MAGI2: variants seen among roughly 807,000 people sequenced by gnomAD.
The protein encoded by MAGI2 is membrane associated guanylate kinase, WW and PDZ domain containing 2.
In MAGI2, 35 loss-of-function variants were observed where a neutral mutation model predicts 133.3. The ratio of observed to expected loss-of-function variants is 0.26; its 90% confidence interval spans 0.20 to 0.35. The LOEUF is 0.35. Ranked by LOEUF, MAGI2 falls within the 10% of genes least tolerant of loss-of-function variation. The probability of loss-of-function intolerance (pLI) is 1.00; values close to 1 mark genes in which losing one functional copy is unlikely to be tolerated. For missense variants in MAGI2, 1,636 were observed against 1,863.4 expected (o/e 0.88, Z 2.25); for synonymous variants, 729 against 710.6 (o/e 1.03, Z -0.41).
intron 6 of MAGI2, among the ~76,000 whole-genome samples, chr7:78,475,237 T>C (rs934185254): frequency 6.6e-6 from 1 of 151,870 alleles, no homozygotes; most frequent in African/African-American, 2.4e-5. Flanking sequence ...CTGGCTTTGC[T>C]CTCAAGAAAA....
intron 3 of MAGI2, among the ~76,000 whole-genome samples, chr7:78,586,593 T>C (rs746074960): frequency 6.6e-5 from 10 of 152,220 alleles, no homozygotes; most frequent in Middle Eastern, 6.8e-3. Context: ...AACAAAGAAT[T>C]TGCCATATTG....
At chr7:78,373,274 A>G (rs1256320099) in intron 6 of MAGI2, among the ~76,000 whole-genome samples, 2 of 152,232 alleles carry the variant, frequency 1.3e-5, no homozygotes, top group Non-Finnish European at 2.9e-5. Context: ...ATATGGAGAC[A>G]TGATGACTAA....
intron 9 of MAGI2, among the ~76,000 whole-genome samples, chr7:78,281,257 G>A (rs798333): frequency 0.72 from 108,988 of 151,966 alleles, 39,900 homozygotes; most frequent in African/African-American, 0.86. Context: ...ACATACTGAT[G>A]TGGCTTGGCT....
Position 78,805,831 on chromosome 7 carries a change from CATG to C in MAGI2, c.419-178595_419-178593del, listed in dbSNP as rs1788530416. On this transcript the variant is annotated intron_variant, in intron 2 of 21. Transcript: ENST00000354212. ...GGAATGGAGGTCTCCAGCCAACAGC[CATG>C]ATGATGAGTGAGCCACCTTGGAAGC... 2.6e-5 allele frequency among the ~76,000 whole-genome samples: 4 copies of C among 152,170 alleles called. No individual in the cohort carries two copies. The South Asian group carries it at 8.3e-4, about 32-fold the overall frequency.
rs190666604 is a variant in MAGI2, at chr7:78,631,614, C to T, written c.419-4375G>A. 3.9e-5 allele frequency among the ~76,000 whole-genome samples: 6 copies of T among 152,312 alleles called. No homozygotes were observed. The East Asian group carries it at 9.6e-4, about 24-fold the overall frequency. On this transcript the variant is annotated intron_variant, in intron 2 of 21. Transcript: ENST00000354212. ...CTATTATTTACAATAAAGCACAACTCTCATGGTATGCCAGCTTGTGCAGTT... is the reference window on the plus strand; with the variant it reads ...CTATTATTTACAATAAAGCACAACTTTCATGGTATGCCAGCTTGTGCAGTT...
intron 1 of MAGI2, among the ~76,000 whole-genome samples, chr7:79,449,599 C>G (rs12535271): frequency 0.07 from 10,658 of 151,858 alleles, 487 homozygotes; most frequent in Non-Finnish European, 0.094. Flanking sequence ...AAAAAACTTT[C>G]TTCAACTGGG....
At chr7:79,371,505 A>G (rs923590415) in intron 1 of MAGI2, among the ~76,000 whole-genome samples, 5 of 152,126 alleles carry the variant, frequency 3.3e-5, no homozygotes, top group African/African-American at 1.2e-4. Flanking sequence ...CTATGTTTAG[A>G]TATGTTTATA....
At chr7:78,621,168 C>T (rs1807695376) in intron 3 of MAGI2, 2 of 151,848 alleles carry the variant, frequency 1.3e-5, no homozygotes, top group Non-Finnish European at 2.9e-5. Context: ...TTTAGAGTGC[C>T]ATACTTACTA....
intron 2 of MAGI2, among the ~76,000 whole-genome samples, chr7:78,714,882 C>G (rs942497518): frequency 2.0e-5 from 3 of 152,110 alleles, no homozygotes; most frequent in Non-Finnish European, 4.4e-5. Context: ...ATGGCAAGAG[C>G]TTTGATTAAA....
At chr7:78,391,838 G>A (rs1020796774) in intron 6 of MAGI2, among the ~76,000 whole-genome samples, 1 of 152,150 alleles carries the variant, frequency 6.6e-6, no homozygotes, top group African/African-American at 2.4e-5. Context: ...TTTGTGTTGA[G>A]TCATTCTTAC....
At chr7:78,275,452 T>C (rs1794969993) in intron 9 of MAGI2, among the ~76,000 whole-genome samples, 1 of 152,152 alleles carries the variant, frequency 6.6e-6, no homozygotes, top group Non-Finnish European at 1.5e-5. Context: ...TATTCACAAG[T>C]TGTGGCCCAT....
At chr7:78,872,068 T>G (rs1343325659) in intron 2 of MAGI2, among the ~76,000 whole-genome samples, 1 of 151,402 alleles carries the variant, frequency 6.6e-6, no homozygotes, top group Non-Finnish European at 1.5e-5. Flanking sequence ...TTTCTCAAAG[T>G]ATACTTATGG....
chr7:78,120,814 A>T, intron 20 of MAGI2, among the ~76,000 whole-genome samples: 1 of 151,018 alleles, frequency 6.6e-6, no homozygotes. Context: ...ATCCCGGCTA[A>T]AACGGTGAAA....
At chr7:78,854,718 G>A (rs1793474307) in intron 2 of MAGI2, among the ~76,000 whole-genome samples, 1 of 151,008 alleles carries the variant, frequency 6.6e-6, no homozygotes, top group Non-Finnish European at 1.5e-5. Context: ...CCCAAGTAAT[G>A]CTTGGCATAG....
chr7:78,069,107 T>G (rs1814169994), intron 21 of MAGI2, among the ~76,000 whole-genome samples: 1 of 152,172 alleles, frequency 6.6e-6, no homozygotes. Context: ...GAGGAAAATC[T>G]AGTTTCCTTT....
At chr7:78,697,309 G>C (rs767408591) in intron 2 of MAGI2, among the ~76,000 whole-genome samples, 1 of 152,080 alleles carries the variant, frequency 6.6e-6, no homozygotes, top group East Asian at 1.9e-4. Flanking sequence ...GCTTATTGAG[G>C]CTTGGTCTAT....
intron 2 of MAGI2, among the ~76,000 whole-genome samples, chr7:78,636,770 C>G (rs1809702582): frequency 6.6e-6 from 1 of 152,068 alleles, no homozygotes; most frequent in African/African-American, 2.4e-5. Flanking sequence ...TGCATTCCAA[C>G]CTGGGTGACA....
chr7:79,236,936 T>C (rs1255512136), intron 1 of MAGI2, among the ~76,000 whole-genome samples: 3 of 152,136 alleles, frequency 2.0e-5, no homozygotes, highest in Non-Finnish European at 4.4e-5. Flanking sequence ...TCCCAGCTAC[T>C]CAGGAGACTG....
At chr7:78,641,940 T>C (rs1247328671) in intron 2 of MAGI2, among the ~76,000 whole-genome samples, 1 of 152,204 alleles carries the variant, frequency 6.6e-6, no homozygotes, top group Non-Finnish European at 1.5e-5. Flanking sequence ...TCCTTCAGTA[T>C]TGACTGAGGG....
Sources: gnomAD v4.1 joint callset for allele counts (sites outside exome capture counted in the v4.1 genomes callset) on GRCh38, gnomAD v4.1.1 for gene constraint, MANE v1.5 for transcripts, NCBI Gene and HGNC (gene_info 2026-07-23, HGNC 2026-07-21) for gene names.